RHOQ: variants seen among roughly 807,000 people sequenced by gnomAD.
RHOQ encodes the protein ras homolog family member Q.
In RHOQ, 7 loss-of-function variants were observed where a neutral mutation model predicts 25.8. The observed-to-expected ratio is 0.27, with a 90% confidence interval of 0.15 to 0.51. The LOEUF (loss-of-function observed/expected upper bound fraction) is 0.51. Among genes scored for constraint, RHOQ ranks in the 20% least tolerant of loss-of-function variants. RHOQ has a pLI of 0.97. For missense variants in RHOQ, 165 were observed against 260.6 expected (o/e 0.63, Z 2.53); for synonymous variants, 97 against 98.6 (o/e 0.98, Z 0.10).
chr2:46,566,070 C>G lies in RHOQ; in HGVS notation c.202-10017C>G, dbSNP rs1315016747. 6.6e-6 allele frequency among the ~76,000 whole-genome samples: 1 copy of G among 152,158 alleles called. No homozygotes were observed. The highest frequency in any genetic ancestry group is 1.5e-5 in the Non-Finnish European group (1 of 68,032). ...ACAGGGAAACTCACTGGGCAGGTGA[C>G]TGCTTTAGTGTGTGTATTTGTGTTA... On this transcript the variant is annotated intron_variant, in intron 2 of 4. Coordinates refer to ENST00000238738, the MANE Select transcript of RHOQ (RefSeq NM_012249.4). This position sits in a 1 kb window ranked among gnomAD's most constrained non-coding sequence, Gnocchi z 4.2.
At chr2:46,572,056 C>A (rs959314152) in intron 2 of RHOQ, among the ~76,000 whole-genome samples, 2 of 143,690 alleles carry the variant, frequency 1.4e-5, no homozygotes, top group Admixed American at 6.9e-5. Context: ...CCTCTCAGAG[C>A]GCATTTCTTT....
intron 2 of RHOQ, among the ~76,000 whole-genome samples, chr2:46,565,568 G>A (rs566647526): frequency 6.6e-6 from 1 of 152,304 alleles, no homozygotes; most frequent in South Asian, 2.1e-4. Context: ...TTGACATCTG[G>A]CCGAAAGTGA....
rs1053288117 is a variant in RHOQ, at chr2:46,555,776, A to G, written c.201+11964A>G. ...CCAGAGTGGCCTGTGGCCCTCTGTG[A>G]TAAGTCGGTAGGAGGGGGACATGGT... On this transcript the variant is annotated intron_variant, in intron 2 of 4. Coordinates refer to ENST00000238738, the MANE Select transcript of RHOQ (RefSeq NM_012249.4). The surrounding 1 kb of genome is among the most constrained non-coding windows in gnomAD (Gnocchi z 4.3). Among the ~76,000 whole-genome samples, 1 of 152,148 alleles carries G rather than the reference A, an allele frequency of 6.6e-6. No individual in the cohort carries two copies. The highest frequency in any genetic ancestry group is 2.4e-5 in the African/African-American group (1 of 41,412).
chr2:46,573,295 C>T (rs1668997460), intron 2 of RHOQ, among the ~76,000 whole-genome samples: 1 of 152,104 alleles, frequency 6.6e-6, no homozygotes, highest in South Asian at 2.1e-4. Context: ...GACTCCTGAC[C>T]TCAAGAGTCC....
intron 2 of RHOQ, among the ~76,000 whole-genome samples, chr2:46,572,328 C>G (rs749777971): frequency 7.9e-5 from 12 of 151,886 alleles, no homozygotes; most frequent in Non-Finnish European, 1.2e-4. Context: ...GTCTTGAACT[C>G]CTGGACTCAA....
intron 2 of RHOQ, among the ~76,000 whole-genome samples, chr2:46,575,696 AT>A (rs1669098131): frequency 6.6e-6 from 1 of 152,236 alleles, no homozygotes; most frequent in South Asian, 2.1e-4. Flanking sequence ...GAGAGAGCAT[AT>A]AGACTAGTGC....
chr2:46,574,195 C>T (rs1012562939), intron 2 of RHOQ, among the ~76,000 whole-genome samples: 1 of 152,180 alleles, frequency 6.6e-6, no homozygotes, highest in Admixed American at 6.5e-5. Context: ...ATCCCCATTC[C>T]TATTTCTGTG....
chr2:46,557,580 T>A (rs1668444800), intron 2 of RHOQ, among the ~76,000 whole-genome samples: 1 of 152,208 alleles, frequency 6.6e-6, no homozygotes, highest in African/African-American at 2.4e-5. Context: ...TGACCATGAA[T>A]AATTTTAGAA....
At chr2:46,549,853 A>G (rs1668186468) in intron 2 of RHOQ, among the ~76,000 whole-genome samples, 2 of 152,140 alleles carry the variant, frequency 1.3e-5, no homozygotes. Context: ...CTCTTCAAGA[A>G]CAGTGTCTTT....
intron 2 of RHOQ, among the ~76,000 whole-genome samples, chr2:46,563,472 C>A (rs1668632745): frequency 6.6e-6 from 1 of 152,142 alleles, no homozygotes; most frequent in African/African-American, 2.4e-5. Flanking sequence ...CCGGGAAGAG[C>A]CCCCACGGGG....
rs780581955 is a variant in RHOQ at position 46,555,713 on chromosome 2, G to A, written c.201+11901G>A. Among the ~76,000 whole-genome samples, 1 of 152,222 alleles carries A rather than the reference G, an allele frequency of 6.6e-6. No homozygotes were observed. Among genetic ancestry groups the A allele is most frequent in the African/African-American group, 2.4e-5 (1 of 41,452 alleles). On this transcript the variant is annotated intron_variant, in intron 2 of 4. Coordinates refer to ENST00000238738, the MANE Select transcript of RHOQ (RefSeq NM_012249.4). This position sits in a 1 kb window ranked among gnomAD's most constrained non-coding sequence, Gnocchi z 4.3. ...ACTGTTCTCCAGCAAGTCTAGACCT[G>A]TAGGAGTCCTTCACTGGGCTTTATG...
chr2:46,558,355 G>C (rs1463283831), intron 2 of RHOQ, among the ~76,000 whole-genome samples: 5 of 152,210 alleles, frequency 3.3e-5, no homozygotes, highest in Admixed American at 2.0e-4. Context: ...AAGAGTCATT[G>C]TAGGCAACTT....
At position 46,555,120 on chromosome 2, in the gene RHOQ, A is replaced by G. The variant is rs894701834; in HGVS notation, c.201+11308A>G. Among the ~76,000 whole-genome samples the G allele has an allele frequency of 2.0e-5, 3 of 152,250 alleles. No homozygotes were observed. The highest frequency in any genetic ancestry group is 7.2e-5 in the African/African-American group (3 of 41,472). ...TTCCTTCGGACAGGGACTTCGTCCA[A>G]CAGGCGAGAGCTTTGGGTATTCATC... On this transcript the variant is annotated intron_variant, in intron 2 of 4. Coordinates refer to ENST00000238738, the MANE Select transcript of RHOQ (RefSeq NM_012249.4). This position sits in a 1 kb window ranked among gnomAD's most constrained non-coding sequence, Gnocchi z 4.3.
intron 2 of RHOQ, among the ~76,000 whole-genome samples, chr2:46,550,500 C>T (rs933573109): frequency 2.0e-5 from 3 of 152,228 alleles, no homozygotes; most frequent in Admixed American, 6.5e-5. Context: ...CCCCAACACT[C>T]TGTCTCAGAC....
intron 2 of RHOQ, among the ~76,000 whole-genome samples, chr2:46,572,114 T>TG (rs1668941709): frequency 7.5e-6 from 1 of 132,710 alleles, no homozygotes; most frequent in Non-Finnish European, 1.6e-5. Flanking sequence ...TGTGTTTTTT[T>TG]TTTTTTTTTT....
Position 46,556,614 on chromosome 2 carries a change from A to AGCT in RHOQ, c.201+12802_201+12803insGCT, listed in dbSNP as rs1205628617. On this transcript the variant is annotated intron_variant, in intron 2 of 4. Coordinates refer to ENST00000238738, the MANE Select transcript of RHOQ (RefSeq NM_012249.4). This position sits in a 1 kb window ranked among gnomAD's most constrained non-coding sequence, Gnocchi z 4.9. ...TAATAGCTTTATTTATCAAACATAT[A>AGCT]AATATCCATTAAACATAAGAGTGAG... 6.6e-6 allele frequency among the ~76,000 whole-genome samples: 1 copy of AGCT among 152,046 alleles called. No individual in the cohort carries two copies. The highest frequency in any genetic ancestry group is 1.5e-5 in the Non-Finnish European group (1 of 68,014).
intron 1 of RHOQ, 153 bp from the exon 2 acceptor site, chr2:46,543,601 C>T (rs1308791875): frequency 2.9e-6 from 2 of 683,310 alleles, no homozygotes; most frequent in East Asian, 2.7e-5. Flanking sequence ...TCACAGTGAG[C>T]TGGCCGCACG....
rs773325300 is a variant in RHOQ, at chr2:46,555,360, C to T, written c.201+11548C>T. Among the ~76,000 whole-genome samples, 8 of 152,216 alleles carry T rather than the reference C, an allele frequency of 5.3e-5. No individual in the cohort carries two copies. The highest frequency in any genetic ancestry group is 8.8e-5 in the Non-Finnish European group (6 of 68,034). On this transcript the variant is annotated intron_variant, in intron 2 of 4. Transcript: ENST00000238738. This position sits in a 1 kb window ranked among gnomAD's most constrained non-coding sequence, Gnocchi z 4.3. ...CCCTTGCCGTCCCTGCAGGACTGCA[C>T]GTAGCACATAGCACTTTGCACAAGT...
At chr2:46,544,418 T>A (rs1352645571) in intron 2 of RHOQ, among the ~76,000 whole-genome samples, 1 of 151,904 alleles carries the variant, frequency 6.6e-6, no homozygotes, top group Non-Finnish European at 1.5e-5. Flanking sequence ...GAGTTTAGAG[T>A]GAATCTTGGA....
Sources: allele counts gnomAD v4.1 joint callset (sites outside exome capture counted in the v4.1 genomes callset), GRCh38; gene constraint gnomAD v4.1.1; non-coding constraint Gnocchi (gnomAD v3.1); transcripts MANE v1.5; gene names NCBI Gene and HGNC (gene_info 2026-07-23, HGNC 2026-07-21).